MCPH1: variants seen among roughly 807,000 people sequenced by gnomAD.
MCPH1 encodes the protein microcephalin 1.
A neutral mutation model predicts 84.5 loss-of-function variants in MCPH1; 104 were observed. That is an observed-to-expected ratio of 1.23 (90% CI 1.05 to 1.45). The LOEUF is 1.45. MCPH1 is among the 40% of genes most tolerant of loss of function. The pLI, the probability that MCPH1 is intolerant of heterozygous loss-of-function variation, is 0.00. For missense variants in MCPH1, 1,498 were observed against 1,005.7 expected, an observed-to-expected ratio of 1.49 and a Z score of -6.62; for synonymous variants, 514 against 366.8, an observed-to-expected ratio of 1.40 and a Z score of -4.58.
chr8:6,493,738 G>A (rs187076585), intron 11 of MCPH1, among the ~76,000 whole-genome samples: 1 of 152,204 alleles, frequency 6.6e-6, no homozygotes, highest in East Asian at 1.9e-4. Flanking sequence ...AAATATGACC[G>A]GGGATCTCTG....
chr8:6,452,322 T>A (rs1805183475), intron 8 of MCPH1, among the ~76,000 whole-genome samples: 1 of 152,364 alleles, frequency 6.6e-6, no homozygotes, highest in Non-Finnish European at 1.5e-5. Flanking sequence ...CATTGATGTG[T>A]TTGCATTTTG....
At chr8:6,523,560 A>G (rs1018151257) in intron 12 of MCPH1, among the ~76,000 whole-genome samples, 4 of 152,106 alleles carry the variant, frequency 2.6e-5, no homozygotes, top group African/African-American at 9.7e-5. Context: ...AAAGACATGC[A>G]CAGTCAAGGT....
intron 12 of MCPH1, among the ~76,000 whole-genome samples, chr8:6,523,890 A>ATTTT (rs367933701): frequency 6.9e-6 from 1 of 144,008 alleles, no homozygotes. Context: ...CCTGGCTGGC[A>ATTTT]TTTTTTTTTT....
chr8:6,587,101 C>G (rs930522548), intron 12 of MCPH1, among the ~76,000 whole-genome samples: 1 of 152,124 alleles, frequency 6.6e-6, no homozygotes, highest in Non-Finnish European at 1.5e-5. Context: ...TGTCGATGAT[C>G]TGTATTGACT....
At chr8:6,621,873 G>T (rs904274761) in intron 13 of MCPH1, among the ~76,000 whole-genome samples, 182 bp downstream of exon 13, 6 of 151,938 alleles carry the variant, frequency 3.9e-5, no homozygotes, top group Admixed American at 1.3e-4. Flanking sequence ...GCTCCTTGCT[G>T]TTAGCAGACG....
At position 6,503,166 on chromosome 8, in the gene MCPH1, A is replaced by G. The variant is rs1812540838; in HGVS notation, c.2214+3237A>G. 1 of 1,614,202 alleles carries G rather than the reference A, an allele frequency of 6.2e-7. No homozygotes were observed. Reference sequence around the variant, plus strand: ...AGCGAATAGCCTGAGCCTTTCCAGTAGTACCATTTAATGCCGTTGAACTTA... The same window carrying G: ...AGCGAATAGCCTGAGCCTTTCCAGTGGTACCATTTAATGCCGTTGAACTTA... On this transcript the variant is annotated intron_variant, in intron 12 of 13. Transcript: ENST00000344683.
At chr8:6,626,357 C>T in intron 13 of MCPH1, 2 of 985,300 alleles carry the variant, frequency 2.0e-6, no homozygotes, top group Non-Finnish European at 1.2e-6. Context: ...TGATTACGTT[C>T]CCTCTTCATT....
rs765339701 is a variant in MCPH1, at chr8:6,444,159, ACCTCTTCTCTATCC to A, written c.671-231_671-218del. Among the ~76,000 whole-genome samples, 56 of 152,174 alleles carry A rather than the reference ACCTCTTCTCTATCC, an allele frequency of 3.7e-4. 1 individual carries two copies. Among genetic ancestry groups the A allele is most frequent in the Non-Finnish European group, 7.5e-4 (51 of 68,024 alleles). ...CCTAAAATTTTTAGAAGTTTGTTAC[ACCTCTTCTCTATCC>A]CCACTGCTATCCCATACACCCATCA... On this transcript the variant is annotated intron_variant, in intron 7 of 13. Transcript: ENST00000344683.
At chr8:6,516,792 A>C (rs1475832463) in intron 12 of MCPH1, among the ~76,000 whole-genome samples, 2 of 152,328 alleles carry the variant, frequency 1.3e-5, no homozygotes, top group East Asian at 3.9e-4. Flanking sequence ...CAGTGTCAAA[A>C]TTACTGCTAT....
intron 12 of MCPH1, chr8:6,527,735 C>T: frequency 1.4e-6 from 2 of 1,466,116 alleles, no homozygotes; most frequent in Non-Finnish European, 1.8e-6. Context: ...AACTTTCTAA[C>T]TTCCTTTTCA....
At chr8:6,519,398 G>T (rs1439987725) in intron 12 of MCPH1, among the ~76,000 whole-genome samples, 1 of 152,146 alleles carries the variant, frequency 6.6e-6, no homozygotes, top group Non-Finnish European at 1.5e-5. Flanking sequence ...AAGTCACTAT[G>T]CAGTCACACA....
In MCPH1 at chr8:6,532,359, C is replaced by T. The variant is rs1038061444; in HGVS notation, c.2214+32430C>T. 13 of 1,613,932 alleles carry T rather than the reference C, an allele frequency of 8.1e-6. No individual in the cohort carries two copies. In the African/African-American group the frequency reaches 1.2e-4, roughly 15 times the overall value. On this transcript the variant is annotated intron_variant, in intron 12 of 13. Coordinates refer to ENST00000344683, the MANE Select transcript of MCPH1 (RefSeq NM_024596.5). ...GGGCTTCCACATCAGTTAACTTCCG[C>T]GTTTGCTCCGCTGTTTGGTTCAACA...
chr8:6,473,753 A>C (rs922696394), intron 9 of MCPH1: 39 of 669,910 alleles, frequency 5.8e-5, no homozygotes, highest in Non-Finnish European at 8.8e-5. Flanking sequence ...ACATGAGTTT[A>C]ATAAAGCGTT....
intron 12 of MCPH1, among the ~76,000 whole-genome samples, chr8:6,608,656 G>A (rs146619159): frequency 2.0e-5 from 3 of 152,244 alleles, no homozygotes; most frequent in East Asian, 3.9e-4. Context: ...GGAGAATTTT[G>A]TCACTCCTGC....
chr8:6,439,845 A>G (rs1226911406), intron 6 of MCPH1, among the ~76,000 whole-genome samples: 3 of 152,338 alleles, frequency 2.0e-5, no homozygotes, highest in Non-Finnish European at 2.9e-5. Flanking sequence ...AAAGTAGCTA[A>G]TAGTAAAAGT....
At chr8:6,626,556 T>C in intron 13 of MCPH1, 1 of 972,256 alleles carries the variant, frequency 1.0e-6, no homozygotes, top group Non-Finnish European at 1.2e-6. Flanking sequence ...AAAACAAAAA[T>C]CAAATTCCCG....
intron 9 of MCPH1, among the ~76,000 whole-genome samples, chr8:6,457,319 A>T (rs1314546836): frequency 6.6e-6 from 1 of 152,154 alleles, no homozygotes; most frequent in Non-Finnish European, 1.5e-5. Flanking sequence ...TGGGCCAGTC[A>T]TGGTGGCTCA....
intron 12 of MCPH1, among the ~76,000 whole-genome samples, chr8:6,568,371 C>G (rs1212004731): frequency 3.3e-5 from 5 of 152,170 alleles, no homozygotes; most frequent in African/African-American, 1.2e-4. Flanking sequence ...GCAATCCGTG[C>G]AGCTCTCATA....
chr8:6,514,142 A>G (rs1815753683), intron 12 of MCPH1, among the ~76,000 whole-genome samples: 1 of 152,226 alleles, frequency 6.6e-6, no homozygotes. Context: ...ACCATTAAAC[A>G]GTCGGCTTAC....
Sources: gnomAD v4.1 joint callset for allele counts (sites outside exome capture counted in the v4.1 genomes callset) on GRCh38, gnomAD v4.1.1 for gene constraint, MANE v1.5 for transcripts, NCBI Gene and HGNC (gene_info 2026-07-23, HGNC 2026-07-21) for gene names.